Variants in CPLX4 observed in about 807,000 individuals in gnomAD.
CPLX4 encodes the protein complexin 4.
In CPLX4, 17 loss-of-function variants were observed where a neutral mutation model predicts 16.1. That is an observed-to-expected ratio of 1.06 (90% CI 0.72 to 1.59). The LOEUF (loss-of-function observed/expected upper bound fraction) is 1.59, where lower values mean the gene tolerates loss of function less well. Among genes scored for constraint, CPLX4 ranks in the 40% most tolerant of loss-of-function variants. The pLI is 0.00. For synonymous variants in CPLX4, 55 were observed against 57.8 expected (o/e 0.95, Z 0.22); for missense variants, 193 against 192.9 (o/e 1.00, Z 0.00).
chr18:59,310,405 C>G (rs904582131), intron 2 of CPLX4, among the ~76,000 whole-genome samples: 19 of 152,226 alleles, frequency 1.2e-4, no homozygotes, highest in African/African-American at 4.3e-4. Context: ...AATTATTTTT[C>G]TTGGAAGAGT....
intron 2 of CPLX4, among the ~76,000 whole-genome samples, chr18:59,305,499 C>T (rs572326137): frequency 1.1e-4 from 17 of 152,086 alleles, no homozygotes; most frequent in South Asian, 4.2e-4. Context: ...GATGACTTGG[C>T]GATTTACTGG....
Position 59,318,544 on chromosome 18 carries a change from C to T in CPLX4, c.-82G>A. Reference sequence around the variant, plus strand: ...CCAAACAAACCCAAGAGAAAACCTCCAAATATTCTCAATGACAGCAATACA... The same window carrying T: ...CCAAACAAACCCAAGAGAAAACCTCTAAATATTCTCAATGACAGCAATACA... On this transcript the variant is annotated 5_prime_UTR_variant, in exon 1 of 3. Transcript: ENST00000299721. 1.3e-6 allele frequency: 2 copies of T among 1,502,358 alleles called. No homozygotes were observed. The highest frequency in any genetic ancestry group is 1.8e-6 in the Non-Finnish European group (2 of 1,133,856). 93.1% of individuals were successfully genotyped at this position (1,502,358 alleles called of 1,614,324 possible). A position where few individuals can be genotyped will look rare whatever the true frequency, so the allele number is the denominator to read the frequency against.
At chr18:59,303,493 C>T (rs1267531309) in intron 2 of CPLX4, among the ~76,000 whole-genome samples, 1 of 152,112 alleles carries the variant, frequency 6.6e-6, no homozygotes, top group East Asian at 1.9e-4. Flanking sequence ...AAATGTCATT[C>T]TGCTTTTTAG....
At chr18:59,313,911 CT>C (rs2070635049) in intron 1 of CPLX4, among the ~76,000 whole-genome samples, 1 of 152,234 alleles carries the variant, frequency 6.6e-6, no homozygotes, top group Non-Finnish European at 1.5e-5. Context: ...GGTGAACTAT[CT>C]TTGCATAAAG....
At chr18:59,311,860 T>A (rs1458687638) in intron 2 of CPLX4, among the ~76,000 whole-genome samples, 1 of 152,158 alleles carries the variant, frequency 6.6e-6, no homozygotes, top group Non-Finnish European at 1.5e-5. Flanking sequence ...GACCAACGAC[T>A]CACTCGACCA....
Position 59,296,888 on chromosome 18 carries a change from T to C in CPLX4, c.293A>G (p.Asp98Gly), listed in dbSNP as rs748919026. 3 of 1,612,100 alleles carry C rather than the reference T, an allele frequency of 1.9e-6. No individual in the cohort carries two copies. Among genetic ancestry groups the C allele is most frequent in the Non-Finnish European group, 2.5e-6 (3 of 1,179,736 alleles). ...MDENQIQMAGDDVDLPEDLRK... is the reference protein window; with the variant it reads ...MDENQIQMAGGDVDLPEDLRK... ...GAGATCTTCAGGTAAATCCACATCATCTCCAGCCATCTGGATTTGATTCTC... is the reference window on the plus strand; with the variant it reads ...GAGATCTTCAGGTAAATCCACATCACCTCCAGCCATCTGGATTTGATTCTC... Residue 98 changes from aspartate to glycine, a missense_variant, in exon 3 of 3, where the codon GAT (aspartate) becomes GGT (glycine). By Grantham distance (94) the Asp-to-Gly change is moderately conservative. Transcript: ENST00000299721.
intron 2 of CPLX4, among the ~76,000 whole-genome samples, chr18:59,297,222 C>T (rs1033071436): frequency 6.6e-6 from 1 of 152,100 alleles, no homozygotes; most frequent in African/African-American, 2.4e-5. Context: ...AATTCTTGGG[C>T]CCCATCCCAG....
chr18:59,318,642 C>G lies in CPLX4; in HGVS notation c.-180G>C. 1.7e-6 allele frequency: 2 copies of G among 1,182,330 alleles called. No homozygotes were observed. Among genetic ancestry groups the G allele is most frequent in the Non-Finnish European group, 2.3e-6 (2 of 886,710 alleles). The allele number at this position is 1,182,330 out of a possible 1,614,324, so 73.2% of individuals were successfully genotyped here. A position where few individuals can be genotyped will look rare whatever the true frequency, so the allele number is the denominator to read the frequency against. Reference sequence around the variant, plus strand: ...TGATAGAGAAGAGTGGTTTGTCGGCCGTAAGCTGGATTAAAGTGGTGAACT... The same window carrying G: ...TGATAGAGAAGAGTGGTTTGTCGGCGGTAAGCTGGATTAAAGTGGTGAACT... On this transcript the variant is annotated 5_prime_UTR_variant, in exon 1 of 3. Transcript: ENST00000299721.
intron 2 of CPLX4, among the ~76,000 whole-genome samples, chr18:59,308,029 C>G (rs1196472161): frequency 6.6e-6 from 1 of 151,884 alleles, no homozygotes; most frequent in African/African-American, 2.4e-5. Context: ...CCGCCCGCCT[C>G]GGCCTCTCAA....
chr18:59,303,251 G>A (rs933935957), intron 2 of CPLX4, among the ~76,000 whole-genome samples: 1 of 152,156 alleles, frequency 6.6e-6, no homozygotes, highest in African/African-American at 2.4e-5. Flanking sequence ...GACAGATGGT[G>A]TGGATTTGTC....
intron 2 of CPLX4, among the ~76,000 whole-genome samples, chr18:59,309,969 G>C (rs2070605960): frequency 6.6e-6 from 1 of 152,130 alleles, no homozygotes; most frequent in African/African-American, 2.4e-5. Flanking sequence ...GTCTGTCACA[G>C]GAGATGTGGC....
At chr18:59,313,090 A>C (rs138967671) in intron 1 of CPLX4, among the ~76,000 whole-genome samples, 137 of 152,252 alleles carry the variant, frequency 9.0e-4, no homozygotes, top group African/African-American at 3.2e-3. Context: ...GAGCCTCAGA[A>C]TCACTTGGTG....
intron 2 of CPLX4, among the ~76,000 whole-genome samples, chr18:59,304,399 C>T (rs1178084347): frequency 6.6e-6 from 1 of 152,066 alleles, no homozygotes; most frequent in Non-Finnish European, 1.5e-5. Context: ...ATATTGCTTC[C>T]TCTACTTGAA....
chr18:59,300,299 C>T (rs2070531616), intron 2 of CPLX4, among the ~76,000 whole-genome samples: 1 of 152,156 alleles, frequency 6.6e-6, no homozygotes, highest in South Asian at 2.1e-4. Flanking sequence ...CGCCACTGAA[C>T]TCCAGCCCGG....
chr18:59,317,882 T>A (rs998488404), intron 1 of CPLX4, among the ~76,000 whole-genome samples: 8 of 151,886 alleles, frequency 5.3e-5, no homozygotes, highest in African/African-American at 1.9e-4. Context: ...TTTTAGGCCC[T>A]TTTCTAGGTA....
In CPLX4 at chr18:59,296,777, A is replaced by G; in HGVS notation, c.404T>C (p.Leu135Ser). ...GQIQNLQNMD[L>S]DTIKEKAQAT... ...CTGGGCTTTTTCTTTTATGGTATCC[A>G]AGTCCATGTTCTGGAGATTCTGTAT... Residue 135 changes from leucine (L) to serine (S), a missense_variant, in exon 3 of 3, where the codon TTG becomes TCG. Transcript: ENST00000299721. 6.2e-7 allele frequency: 1 copy of G among 1,613,764 alleles called. No individual in the cohort carries two copies. Among genetic ancestry groups the G allele is most frequent in the Non-Finnish European group, 8.5e-7 (1 of 1,179,966 alleles).
At chr18:59,314,155 C>G (rs897925742) in intron 1 of CPLX4, among the ~76,000 whole-genome samples, 1 of 152,106 alleles carries the variant, frequency 6.6e-6, no homozygotes, top group African/African-American at 2.4e-5. Flanking sequence ...GAGAGAACAT[C>G]GGGTTCAACC....
chr18:59,315,044 C>T (rs2070642922), intron 1 of CPLX4, among the ~76,000 whole-genome samples: 1 of 151,930 alleles, frequency 6.6e-6, no homozygotes, highest in Non-Finnish European at 1.5e-5. Context: ...ATGGAATTTG[C>T]TGGGTTCTAC....
chr18:59,296,651 G>A lies in CPLX4; in HGVS notation c.*47C>T. 3.7e-6 allele frequency: 6 copies of A among 1,602,114 alleles called. No homozygotes were observed. The highest frequency in any genetic ancestry group is 1.3e-5 in the African/African-American group (1 of 74,554). The stretch of plus-strand genomic sequence containing the variant: ...GCTTGAAACGTCCCACAAGAGAGTG[G>A]TCTTTTCCAAGGATGGCTGGTTCCC... On this transcript the variant is annotated 3_prime_UTR_variant, in exon 3 of 3. Coordinates refer to ENST00000299721, the MANE Select transcript of CPLX4 (RefSeq NM_181654.4).
Sources: allele counts gnomAD v4.1 joint callset (sites outside exome capture counted in the v4.1 genomes callset), GRCh38; gene constraint gnomAD v4.1.1; transcripts MANE v1.5; gene names NCBI Gene and HGNC (gene_info 2026-07-23, HGNC 2026-07-21).